The following MGRN1 variants were observed in gnomAD, a reference collection of about 807,000 sequenced individuals.
MGRN1 encodes mahogunin ring finger 1.
A neutral mutation model predicts 69.2 loss-of-function variants in MGRN1; 29 were observed. That is an observed-to-expected ratio of 0.42 (90% confidence interval 0.31 to 0.57). The LOEUF (loss-of-function observed/expected upper bound fraction) is 0.57. Ranked by LOEUF, MGRN1 falls within the 20% of genes least tolerant of loss-of-function variation. The pLI, the probability that MGRN1 is intolerant of heterozygous loss-of-function variation, is 0.15. For missense variants in MGRN1, 998 were observed against 796.2 expected (o/e 1.25, Z -3.05); for synonymous variants, 470 against 344.2 (o/e 1.37, Z -4.04).
chr16:4,681,529 TCA>T lies in MGRN1; in HGVS notation c.1132-19_1132-18del. On this transcript the variant is annotated intron_variant, in intron 12 of 16. Coordinates refer to ENST00000262370, the MANE Select transcript of MGRN1 (RefSeq NM_015246.4). Reference sequence around the variant, plus strand: ...AGGTGGTCCCTGGGCATGAGCCCCCTCACGCACCCTGTCCCTACAGAACTCTG... The same window carrying T: ...AGGTGGTCCCTGGGCATGAGCCCCCTCGCACCCTGTCCCTACAGAACTCTG... 1 of 1,599,942 alleles carries T rather than the reference TCA, an allele frequency of 6.3e-7. No homozygotes were observed. Among genetic ancestry groups the T allele is most frequent in the Non-Finnish European group, 8.5e-7 (1 of 1,170,872 alleles).
chr16:4,638,952 A>T (rs74435183), intron 1 of MGRN1, among the ~76,000 whole-genome samples: 1,601 of 152,122 alleles, frequency 0.011, 31 homozygotes, highest in African/African-American at 0.036. Context: ...CTTCATTCAC[A>T]TCCTGGCTTA....
At chr16:4,651,898 G>A in intron 2 of MGRN1, 65 bp from the exon 3 acceptor site, 2 of 1,456,102 alleles carry the variant, frequency 1.4e-6, no homozygotes, top group Non-Finnish European at 9.6e-7. Context: ...GCTGCACCCT[G>A]ACCCGTTTTC....
intron 7 of MGRN1, among the ~76,000 whole-genome samples, chr16:4,666,452 C>T (rs1328963305): frequency 6.6e-6 from 1 of 152,178 alleles, no homozygotes. Flanking sequence ...TCAAAGGGTA[C>T]TTGGAGTGTG....
intron 8 of MGRN1, among the ~76,000 whole-genome samples, chr16:4,668,544 CACAT>C (rs1307145071): frequency 6.6e-6 from 1 of 151,714 alleles, no homozygotes; most frequent in Admixed American, 6.6e-5. Flanking sequence ...CACACATACA[CACAT>C]AAACACACTC....
rs543146095 is a variant in MGRN1, at chr16:4,648,081, G to A, written c.89-2284G>A. ...CCGGGAAGGGCCCACCTGGCCTCAG[G>A]TGGGAATTCTGAGAAGGAATAGGGA... is the stretch of plus-strand genomic sequence containing the variant. On this transcript the variant is annotated intron_variant, in intron 1 of 16. Coordinates refer to ENST00000262370, the MANE Select transcript of MGRN1 (RefSeq NM_015246.4). 5.3e-5 allele frequency among the ~76,000 whole-genome samples: 8 copies of A among 152,306 alleles called. No individual in the cohort carries two copies. The East Asian group carries it at 1.5e-3, about 29-fold the overall frequency.
At chr16:4,669,448 A>AAAAAAAAAAAAAAAC (rs2078891185) in intron 8 of MGRN1, among the ~76,000 whole-genome samples, 1 of 150,222 alleles carries the variant, frequency 6.7e-6, no homozygotes, top group African/African-American at 2.5e-5. Context: ...AAAAAAAAAA[A>AAAAAAAAAAAAAAAC]GCTGTGCAAC....
Position 4,686,570 on chromosome 16 carries a change from C to T in MGRN1, c.1619-2226C>T, listed in dbSNP as rs764872286. 40 of 1,321,144 alleles carry T rather than the reference C, an allele frequency of 3.0e-5. No individual in the cohort carries two copies. In the South Asian group the frequency reaches 7.1e-4, roughly 23 times the overall value. The allele number at this position is 1,321,144 out of a possible 1,614,324, so 81.8% of individuals were successfully genotyped here. A position where few individuals can be genotyped will look rare whatever the true frequency, so the allele number is the denominator to read the frequency against. ...CGGCCGGTCAGGCTCTTCTTCCAGCCTTGAGGGGCCCTGGAACAGTCCCAG... is the reference window on the plus strand; with the variant it reads ...CGGCCGGTCAGGCTCTTCTTCCAGCTTTGAGGGGCCCTGGAACAGTCCCAG... On this transcript the variant is annotated intron_variant, in intron 16 of 16. Coordinates refer to ENST00000262370, the MANE Select transcript of MGRN1 (RefSeq NM_015246.4).
intron 4 of MGRN1, among the ~76,000 whole-genome samples, chr16:4,657,038 G>A (rs1218640757): frequency 6.6e-6 from 1 of 152,212 alleles, no homozygotes; most frequent in African/African-American, 2.4e-5. Flanking sequence ...GCCTGACCTG[G>A]GGAGAGCTGC....
rs1319237080 is a variant in MGRN1, at chr16:4,658,278, G to A, written c.561+915G>A. 4.0e-5 allele frequency among the ~76,000 whole-genome samples: 6 copies of A among 151,642 alleles called. No homozygotes were observed. In the East Asian group the frequency reaches 1.2e-3, roughly 30 times the overall value. On this transcript the variant is annotated intron_variant, in intron 5 of 16. Coordinates refer to ENST00000262370, the MANE Select transcript of MGRN1 (RefSeq NM_015246.4). ...TGGCCGGGCGCGGTGGCTCATGCCT[G>A]TAATCCCAGCACTTTGGGAGGCCGA...
At chr16:4,657,040 G>A (rs1184666119) in intron 4 of MGRN1, among the ~76,000 whole-genome samples, 2 of 152,248 alleles carry the variant, frequency 1.3e-5, no homozygotes, top group Non-Finnish European at 2.9e-5. Context: ...CTGACCTGGG[G>A]AGAGCTGCAT....
intron 1 of MGRN1, among the ~76,000 whole-genome samples, chr16:4,646,163 G>T (rs149462574): frequency 5.9e-5 from 9 of 152,292 alleles, no homozygotes; most frequent in Non-Finnish European, 1.3e-4. Context: ...TGTCACGGTG[G>T]CTCACGCCTG....
chr16:4,631,136 C>T (rs1897981665), intron 1 of MGRN1, among the ~76,000 whole-genome samples: 1 of 152,080 alleles, frequency 6.6e-6, no homozygotes, highest in South Asian at 2.1e-4. Context: ...TAATTTGTTT[C>T]ACTTATGGCT....
Position 4,690,728 on chromosome 16 carries a change from C to G in MGRN1, c.*1820C>G, listed in dbSNP as rs2079439422. 1 of 151,910 alleles carries G rather than the reference C, an allele frequency of 6.6e-6. No homozygotes were observed. The highest frequency in any genetic ancestry group is 1.5e-5 in the Non-Finnish European group (1 of 67,976). 9.4% of individuals were successfully genotyped at this position (151,910 alleles called of 1,614,324 possible). ...ATCTCCCACGCACCTCTACCCCACC[C>G]CAAGCACCTCTCTCCCCCCATGCAC... is the stretch of plus-strand genomic sequence containing the variant. On this transcript the variant is annotated 3_prime_UTR_variant, in exon 17 of 17. Coordinates refer to ENST00000262370, the MANE Select transcript of MGRN1 (RefSeq NM_015246.4).
In MGRN1 at chr16:4,673,481, A is replaced by T; in HGVS notation, c.796-17A>T. 1 of 1,609,500 alleles carries T rather than the reference A, an allele frequency of 6.2e-7. No homozygotes were observed. The highest frequency in any genetic ancestry group is 2.2e-5 in the East Asian group (1 of 44,866). ...GCCTTTGGGAGGCTGCTGACCCACA[A>T]GCCCTTGTCCCGGCAGCCCTCGGAC... is the stretch of plus-strand genomic sequence containing the variant. On this transcript the variant is annotated splice_polypyrimidine_tract_variant and intron_variant, in intron 9 of 16. Transcript: ENST00000262370.
At chr16:4,657,201 C>T (rs767494909) in intron 4 of MGRN1, 45 bp from the exon 5 acceptor site, 7 of 1,574,100 alleles carry the variant, frequency 4.4e-6, no homozygotes, top group Non-Finnish European at 6.1e-6. Context: ...CACGGAGGGC[C>T]CTCTTCCTGC....
chr16:4,669,665 C>CA (rs1430447661), intron 8 of MGRN1, among the ~76,000 whole-genome samples: 1 of 152,188 alleles, frequency 6.6e-6, no homozygotes, highest in Non-Finnish European at 1.5e-5. Flanking sequence ...AGACCAGAAA[C>CA]AAAGTCTGCA....
chr16:4,660,203 C>T (rs535434990), intron 5 of MGRN1, among the ~76,000 whole-genome samples: 1 of 152,354 alleles, frequency 6.6e-6, no homozygotes, highest in African/African-American at 2.4e-5. Context: ...TTTCGTTCTG[C>T]CGCTTTTTCT....
intron 4 of MGRN1, among the ~76,000 whole-genome samples, chr16:4,653,080 C>T (rs1372944994): frequency 6.6e-6 from 1 of 152,216 alleles, no homozygotes; most frequent in Admixed American, 6.5e-5. Context: ...ACTTTGAGGG[C>T]CCAGTCCCAC....
intron 8 of MGRN1, 122 bp downstream of exon 8, chr16:4,668,434 TAC>T (rs200650655): frequency 4.3e-6 from 4 of 925,722 alleles, no homozygotes; most frequent in East Asian, 5.2e-5. Flanking sequence ...TACACGCTCA[TAC>T]ACACTCATAC....
Sources: gnomAD v4.1 joint callset for allele counts (sites outside exome capture counted in the v4.1 genomes callset) on GRCh38, gnomAD v4.1.1 for gene constraint, MANE v1.5 for transcripts, NCBI Gene and HGNC (gene_info 2026-07-23, HGNC 2026-07-21) for gene names.